KLHL2: variants seen among roughly 807,000 people sequenced by gnomAD.
The protein encoded by KLHL2 is kelch-like protein 2.
KLHL2 carries 15 observed loss-of-function variants against 75.8 expected under a neutral mutation model. That is an observed-to-expected ratio of 0.20 (90% confidence interval 0.13 to 0.30). The LOEUF (loss-of-function observed/expected upper bound fraction) is 0.30, where lower values mean the gene tolerates loss of function less well. Among genes scored for constraint, KLHL2 ranks in the 10% least tolerant of loss-of-function variants. The probability of loss-of-function intolerance (pLI) is 1.00; values close to 1 mark genes in which losing one functional copy is unlikely to be tolerated. For missense variants in KLHL2, 381 were observed against 741.0 expected, an observed-to-expected ratio of 0.51 and a Z score of 5.64; for synonymous variants, 214 against 251.9, an observed-to-expected ratio of 0.85 and a Z score of 1.42.
intron 5 of KLHL2, among the ~76,000 whole-genome samples, chr4:165,289,083 C>G (rs917784083): frequency 6.6e-6 from 1 of 152,134 alleles, no homozygotes; most frequent in African/African-American, 2.4e-5. Flanking sequence ...TGCCAGTCAT[C>G]TAGTGCTTCC....
intron 8 of KLHL2, among the ~76,000 whole-genome samples, chr4:165,302,071 G>C (rs1745392224): frequency 6.6e-6 from 1 of 152,142 alleles, no homozygotes; most frequent in African/African-American, 2.4e-5. Flanking sequence ...GTTATTTTGT[G>C]CTGGGTATGT....
At chr4:165,231,404 G>GT (rs1211553298) in intron 3 of KLHL2, among the ~76,000 whole-genome samples, 1 of 152,058 alleles carries the variant, frequency 6.6e-6, no homozygotes, top group Admixed American at 6.5e-5. Context: ...AACCAAGATG[G>GT]TGCCATTGCA....
chr4:165,302,091 G>A (rs1745394058), intron 8 of KLHL2, among the ~76,000 whole-genome samples: 1 of 152,168 alleles, frequency 6.6e-6, no homozygotes, highest in Admixed American at 6.5e-5. Context: ...TGGGTCCCTG[G>A]AGGTTCTCTT....
chr4:165,309,540 T>C (rs1196818998), intron 9 of KLHL2, among the ~76,000 whole-genome samples: 1 of 152,244 alleles, frequency 6.6e-6, no homozygotes, highest in African/African-American at 2.4e-5. Flanking sequence ...TTTGTGGTTA[T>C]ATGGTCTCTG....
At chr4:165,317,674 T>C in intron 13 of KLHL2, 152 bp from the exon 14 acceptor site, 2 of 635,774 alleles carry the variant, frequency 3.1e-6, no homozygotes, top group South Asian at 2.2e-5. Flanking sequence ...TATCCTAATA[T>C]AAAACGAATT....
At chr4:165,310,857 T>G (rs201107009) in intron 10 of KLHL2, 107 bp downstream of exon 10, 792 of 267,772 alleles carry the variant, frequency 3.0e-3, no homozygotes, top group East Asian at 0.011. Flanking sequence ...TTTTTTGTGT[T>G]TTTTTTTTTT....
intron 5 of KLHL2, among the ~76,000 whole-genome samples, chr4:165,285,000 A>C (rs547641591): frequency 6.6e-6 from 1 of 152,264 alleles, no homozygotes; most frequent in Non-Finnish European, 1.5e-5. Flanking sequence ...CTGCCCACAT[A>C]ATTCAATCAT....
intron 12 of KLHL2, 120 bp from the exon 13 acceptor site, chr4:165,313,906 C>T: frequency 1.1e-6 from 1 of 947,130 alleles, no homozygotes; most frequent in Non-Finnish European, 1.6e-6. Context: ...ATAGTATCAG[C>T]TTGCTTTTAT....
intron 9 of KLHL2, among the ~76,000 whole-genome samples, chr4:165,308,436 A>G (rs181317038): frequency 1.3e-3 from 196 of 152,310 alleles, no homozygotes; most frequent in African/African-American, 4.4e-3. Flanking sequence ...ATTAGAGCCA[A>G]TGTCCTTAAC....
intron 5 of KLHL2, among the ~76,000 whole-genome samples, chr4:165,286,190 G>A (rs1744079618): frequency 6.6e-6 from 1 of 152,154 alleles, no homozygotes; most frequent in South Asian, 2.1e-4. Context: ...GCCAAGGTAA[G>A]TGGCCCAAGG....
intron 4 of KLHL2, among the ~76,000 whole-genome samples, chr4:165,253,595 T>C (rs1189466117): frequency 1.3e-5 from 2 of 152,222 alleles, no homozygotes; most frequent in African/African-American, 4.8e-5. Context: ...CTGTACAGTT[T>C]GCTAAGTTAT....
chr4:165,236,090 A>G (rs961632808), intron 3 of KLHL2, among the ~76,000 whole-genome samples: 13 of 152,098 alleles, frequency 8.5e-5, no homozygotes, highest in African/African-American at 2.7e-4. Flanking sequence ...AGGATCCCCA[A>G]TGGTGAGAAG....
At chr4:165,264,145 C>T (rs1741950612) in intron 5 of KLHL2, among the ~76,000 whole-genome samples, 1 of 151,748 alleles carries the variant, frequency 6.6e-6, no homozygotes, top group African/African-American at 2.4e-5. Context: ...AGTTTATAAA[C>T]AAAAATATAT....
chr4:165,245,385 G>A (rs553944608), intron 4 of KLHL2, among the ~76,000 whole-genome samples: 23 of 152,284 alleles, frequency 1.5e-4, no homozygotes, highest in Non-Finnish European at 2.6e-4. Context: ...CCTTTATCCA[G>A]GAAGAGCTGC....
intron 5 of KLHL2, among the ~76,000 whole-genome samples, chr4:165,286,833 A>G (rs1173258945): frequency 1.3e-5 from 2 of 152,170 alleles, no homozygotes; most frequent in East Asian, 3.8e-4. Context: ...GTATTTGTCC[A>G]CTGAAGTCAA....
rs1033110898 is a variant in KLHL2 at position 165,322,021 on chromosome 4, T to G, written c.1754-11T>G. 1 of 1,613,392 alleles carries G rather than the reference T, an allele frequency of 6.2e-7. No individual in the cohort carries two copies. The highest frequency in any genetic ancestry group is 1.3e-5 in the African/African-American group (1 of 74,896). On this transcript the variant is annotated splice_polypyrimidine_tract_variant and intron_variant, in intron 14 of 14. Transcript: ENST00000226725. ...GTGACTTCTTTTTTCTCTCTTCATT[T>G]CTTTGCTCAGGGGTCACAGTTATTG...
At chr4:165,241,220 G>A (rs1264398812) in intron 4 of KLHL2, among the ~76,000 whole-genome samples, 3 of 152,060 alleles carry the variant, frequency 2.0e-5, no homozygotes, top group East Asian at 3.8e-4. Flanking sequence ...TTTGGAAAAG[G>A]CAGTTGAGAA....
At chr4:165,218,986 T>A (rs1241336025) in intron 1 of KLHL2, among the ~76,000 whole-genome samples, 1 of 152,212 alleles carries the variant, frequency 6.6e-6, no homozygotes, top group Admixed American at 6.5e-5. Context: ...TCTAATGATT[T>A]TTATTAAATT....
At chr4:165,242,129 A>G (rs1304673601) in intron 4 of KLHL2, among the ~76,000 whole-genome samples, 1 of 152,156 alleles carries the variant, frequency 6.6e-6, no homozygotes, top group Non-Finnish European at 1.5e-5. Context: ...AGGGAGATAA[A>G]AGGAGAACCA....
Sources: gnomAD v4.1 joint callset for allele counts (sites outside exome capture counted in the v4.1 genomes callset) on GRCh38, gnomAD v4.1.1 for gene constraint, MANE v1.5 for transcripts, NCBI Gene and HGNC (gene_info 2026-07-23, HGNC 2026-07-21) for gene names.